Variants in GSG1L observed in about 807,000 individuals in gnomAD.
The protein encoded by GSG1L is germ cell-specific gene 1-like protein.
Under a neutral mutation model 42.1 loss-of-function variants are expected in GSG1L, and 24 were observed. The observed-to-expected ratio is 0.57, with a 90% CI of 0.41 to 0.80. The LOEUF (loss-of-function observed/expected upper bound fraction) is 0.80, where lower values mean the gene tolerates loss of function less well. GSG1L is among the 30% of genes least tolerant of loss of function. The pLI is 0.00. For synonymous variants in GSG1L, 215 were observed against 203.5 expected (o/e 1.06, Z -0.48); for missense variants, 445 against 472.2 (o/e 0.94, Z 0.53).
intron 2 of GSG1L, among the ~76,000 whole-genome samples, chr16:27,908,580 G>C (rs919164959): frequency 5.0e-4 from 76 of 152,268 alleles, no homozygotes; most frequent in Admixed American, 4.8e-3. Flanking sequence ...TGGAGGCTGG[G>C]AAATCCAAGA....
chr16:27,860,140 G>A (rs959557160), intron 3 of GSG1L, among the ~76,000 whole-genome samples: 1 of 152,190 alleles, frequency 6.6e-6, no homozygotes, highest in African/African-American at 2.4e-5. Flanking sequence ...AGGCAAGAGA[G>A]GGGGAGGCTC....
chr16:28,021,605 T>C (rs1181311094), intron 1 of GSG1L, among the ~76,000 whole-genome samples: 2 of 152,234 alleles, frequency 1.3e-5, no homozygotes, highest in Non-Finnish European at 2.9e-5. Context: ...AGTTAAATAA[T>C]GCATCAATAC....
intron 1 of GSG1L, among the ~76,000 whole-genome samples, chr16:28,046,675 G>A (rs1344040195): frequency 2.0e-5 from 3 of 152,028 alleles, no homozygotes; most frequent in Admixed American, 6.6e-5. Flanking sequence ...CTTCGTGGCC[G>A]TCTCTGCTTC....
chr16:27,947,540 G>GGAAAGAAGGAAA (rs2084893187), intron 2 of GSG1L, among the ~76,000 whole-genome samples: 1 of 97,098 alleles, frequency 1.0e-5, no homozygotes, highest in African/African-American at 5.3e-5. Context: ...AAAGAATGAA[G>GGAAAGAAGGAAA]GAAAGAAAGA....
At chr16:27,929,421 C>T (rs745904184) in intron 2 of GSG1L, among the ~76,000 whole-genome samples, 17 of 152,096 alleles carry the variant, frequency 1.1e-4, no homozygotes, top group Non-Finnish European at 1.8e-4. Flanking sequence ...CAAGTGAGCC[C>T]GGTGGGAATC....
chr16:27,977,250 G>T (rs77884620), intron 1 of GSG1L, among the ~76,000 whole-genome samples: 7 of 152,030 alleles, frequency 4.6e-5, no homozygotes, highest in African/African-American at 1.7e-4. Context: ...TCTGTCCAAG[G>T]CTCTGTTATC....
Position 27,886,156 on chromosome 16 carries a change from A to G in GSG1L, c.398-1518T>C, listed in dbSNP as rs181652435. Among the ~76,000 whole-genome samples the G allele has an allele frequency of 4.6e-5, 7 of 152,170 alleles. No homozygotes were observed. In the East Asian group the frequency reaches 1.4e-3, roughly 29 times the overall value. On this transcript the variant is annotated intron_variant, in intron 2 of 6. Coordinates refer to ENST00000447459, the MANE Select transcript of GSG1L (RefSeq NM_001109763.2). ...TTCCTTCATCTGTAAAATGGGGGTA[A>G]TGGCTGGGCACGGTGGCTCATGCCT...
chr16:27,897,199 C>T (rs576958298), intron 2 of GSG1L, among the ~76,000 whole-genome samples: 1 of 152,288 alleles, frequency 6.6e-6, no homozygotes, highest in South Asian at 2.1e-4. Context: ...GGAATTCTGA[C>T]CTCAAGAACT....
chr16:27,791,984 A>C, intron 6 of GSG1L, among the ~76,000 whole-genome samples: 1 of 151,098 alleles, frequency 6.6e-6, no homozygotes. Context: ...AGTCACGTTC[A>C]CTCACCTCAC....
intron 2 of GSG1L, among the ~76,000 whole-genome samples, chr16:27,945,095 A>AG (rs1275000449): frequency 6.6e-6 from 1 of 151,214 alleles, no homozygotes; most frequent in African/African-American, 2.4e-5. Context: ...AAAAAAAAAA[A>AG]ATAGATCAGT....
At chr16:28,054,605 G>A (rs1353973630) in intron 1 of GSG1L, among the ~76,000 whole-genome samples, 1 of 151,484 alleles carries the variant, frequency 6.6e-6, no homozygotes, top group African/African-American at 2.4e-5. Flanking sequence ...CTCCAGCCTC[G>A]GCAACACATT....
chr16:27,853,030 A>G (rs1441211746), intron 3 of GSG1L, among the ~76,000 whole-genome samples: 1 of 152,172 alleles, frequency 6.6e-6, no homozygotes, highest in Non-Finnish European at 1.5e-5. Flanking sequence ...CAACCAGGAG[A>G]AGCTGTTGGG....
intron 1 of GSG1L, among the ~76,000 whole-genome samples, chr16:28,004,444 A>C (rs565898230): frequency 1.1e-4 from 17 of 150,438 alleles, no homozygotes; most frequent in Non-Finnish European, 2.2e-4. Flanking sequence ...AGCCAGAAGC[A>C]GTGGGAGAGA....
chr16:27,848,925 G>A (rs2083473617), intron 3 of GSG1L, among the ~76,000 whole-genome samples: 2 of 152,010 alleles, frequency 1.3e-5, no homozygotes. Context: ...GCCTGGTGCG[G>A]TGGCTCACGC....
chr16:27,932,535 G>A (rs919525188), intron 2 of GSG1L, among the ~76,000 whole-genome samples: 6 of 152,092 alleles, frequency 3.9e-5, no homozygotes, highest in South Asian at 4.1e-4. Context: ...CCACACAACC[G>A]GATCTCACTA....
At chr16:27,899,706 C>T (rs973268058) in intron 2 of GSG1L, among the ~76,000 whole-genome samples, 3 of 152,114 alleles carry the variant, frequency 2.0e-5, no homozygotes, top group Non-Finnish European at 4.4e-5. Flanking sequence ...GACAGAAGGA[C>T]ACCCTGTCTC....
chr16:27,789,275 T>C lies in GSG1L; in HGVS notation c.*2095A>G, dbSNP rs1249003848. 6.6e-6 allele frequency: 1 copy of C among 151,722 alleles called. No individual in the cohort carries two copies. Among genetic ancestry groups the C allele is most frequent in the African/African-American group, 2.4e-5 (1 of 41,232 alleles). 9.4% of individuals were successfully genotyped at this position (151,722 alleles called of 1,614,324 possible). ...AAAGAATAAATGGATAATGCAGAAATGGATAATGGATGGATGGATGGTTGA... is the reference window on the plus strand; with the variant it reads ...AAAGAATAAATGGATAATGCAGAAACGGATAATGGATGGATGGATGGTTGA... On this transcript the variant is annotated 3_prime_UTR_variant, in exon 7 of 7. Coordinates refer to ENST00000447459, the MANE Select transcript of GSG1L (RefSeq NM_001109763.2).
intron 1 of GSG1L, among the ~76,000 whole-genome samples, chr16:28,029,261 T>C (rs16939723): frequency 0.044 from 6,646 of 152,288 alleles, 471 homozygotes; most frequent in African/African-American, 0.15. Context: ...ACTGTTGCCA[T>C]TTTCATTATG....
chr16:28,056,497 A>G (rs1477277342), intron 1 of GSG1L, among the ~76,000 whole-genome samples: 2 of 149,390 alleles, frequency 1.3e-5, no homozygotes, highest in Non-Finnish European at 3.0e-5. Flanking sequence ...GAGGGATAGC[A>G]TTAGGAGATA....
Sources: gnomAD v4.1 joint callset for allele counts (sites outside exome capture counted in the v4.1 genomes callset) on GRCh38, gnomAD v4.1.1 for gene constraint, MANE v1.5 for transcripts, NCBI Gene and HGNC (gene_info 2026-07-23, HGNC 2026-07-21) for gene names.